Variants in SPDYE2 observed in about 807,000 individuals in gnomAD.
The protein encoded by SPDYE2 is speedy/RINGO cell cycle regulator family member E2.
For synonymous variants in SPDYE2, 2 were observed against 45.1 expected (o/e 0.04, Z 3.83); for missense variants, 1 against 121.0 (o/e 0.01, Z 4.65).
chr7:102,555,622 A>G (rs1474526468), intron 3 of SPDYE2, among the ~76,000 whole-genome samples: 4 of 82,658 alleles, frequency 4.8e-5, no homozygotes, highest in Non-Finnish European at 1.1e-4. Context: ...CAACAACAAC[A>G]ACAACAACAA....
downstream of SPDYE2, chr7:102,564,352 A>G (rs1440150900): frequency 2.1e-5 from 3 of 143,514 alleles, no homozygotes; most frequent in Non-Finnish European, 4.7e-5. Flanking sequence ...GTGCACGCCT[A>G]TAATCCCAGC....
chr7:102,555,646 A>C (rs1187852559), intron 3 of SPDYE2, among the ~76,000 whole-genome samples: 2 of 97,444 alleles, frequency 2.1e-5, no homozygotes, highest in African/African-American at 7.2e-5. Context: ...AAAAAAAAAA[A>C]AAAAGGGACT....
downstream of SPDYE2, chr7:102,564,460 G>A (rs1193366712): frequency 1.4e-5 from 2 of 148,056 alleles, no homozygotes; most frequent in African/African-American, 4.9e-5. Context: ...TCCTGCAGCA[G>A]TTAAAGCTGT....
exon 9 of SPDYE2, chr7:102,562,621 G>A (rs1303741158): frequency 2.8e-5 from 1 of 35,750 alleles, no homozygotes; most frequent in Non-Finnish European, 5.9e-5. Context: ...GAGAGTTATA[G>A]TTGTTATATA....
chr7:102,554,982 C>G (rs1319831406), intron 3 of SPDYE2, among the ~76,000 whole-genome samples: 2 of 132,558 alleles, frequency 1.5e-5, no homozygotes, highest in African/African-American at 5.5e-5. Flanking sequence ...GTAGCTCATG[C>G]CTGTAATCCC....
intron 2 of SPDYE2, among the ~76,000 whole-genome samples, chr7:102,553,719 C>A: frequency 3.5e-5 from 1 of 28,542 alleles, no homozygotes; most frequent in Non-Finnish European, 1.9e-4. Flanking sequence ...CACGCTACTG[C>A]ACTCCAAAAA....
intron 5 of SPDYE2, among the ~76,000 whole-genome samples, chr7:102,557,438 C>A (rs1394856493): frequency 3.7e-5 from 5 of 133,360 alleles, no homozygotes; most frequent in Admixed American, 1.6e-4. Flanking sequence ...TCTTGACTCA[C>A]TGCAGCCGAT....
At chr7:102,564,930 A>T (rs1178452121), downstream of SPDYE2, 1 of 142,012 alleles carries the variant, frequency 7.0e-6, no homozygotes, top group African/African-American at 2.5e-5. Context: ...TGACCTCGTG[A>T]TCTGCCCGCC....
rs1157650822 is a variant in SPDYE2, at chr7:102,553,728, AAAAG to A, written c.160+317_160+320del. On this transcript the variant is annotated intron_variant, in intron 2 of 8. Transcript: ENST00000507918. ...TGAGAGCACGCTACTGCACTCCAAA[AAAAG>A]AAAAAAAAGAAAAGAAGGGTCAGTG... Among the ~76,000 whole-genome samples the A allele has an allele frequency of 5.6e-5, 2 of 35,468 alleles. 1 individual carries two copies. Among genetic ancestry groups the A allele is most frequent in the Non-Finnish European group, 2.7e-4 (2 of 7,346 alleles). 23.3% of individuals were successfully genotyped at this position (35,468 alleles called of 152,430 possible). A position where few individuals can be genotyped will look rare whatever the true frequency, so the allele number is the denominator to read the frequency against.
intron 5 of SPDYE2, among the ~76,000 whole-genome samples, 155 bp downstream of exon 5, chr7:102,557,377 G>GTT (rs1270919667): frequency 5.2e-5 from 7 of 135,278 alleles, no homozygotes; most frequent in Non-Finnish European, 9.4e-5. Flanking sequence ...GTGTGTGTGT[G>GTT]TGTGAGACAG....
intron 2 of SPDYE2, among the ~76,000 whole-genome samples, chr7:102,553,649 G>A (rs1403372946): frequency 9.8e-5 from 5 of 50,878 alleles, no homozygotes; most frequent in African/African-American, 1.9e-4. Flanking sequence ...CAGCTACTCA[G>A]GAGGCTGAAA....
chr7:102,555,633 C>CGA (rs1800771874), intron 3 of SPDYE2, among the ~76,000 whole-genome samples: 1 of 39,056 alleles, frequency 2.6e-5, no homozygotes, highest in Non-Finnish European at 4.9e-5. Flanking sequence ...ACAACAACAA[C>CGA]AAAAAAAAAA....
chr7:102,557,642 G>A (rs1413565552), intron 5 of SPDYE2, among the ~76,000 whole-genome samples: 17 of 58,136 alleles, frequency 2.9e-4, no homozygotes, highest in Middle Eastern at 5.1e-3. Context: ...GATTATAGAC[G>A]TCAGCCACTG....
At chr7:102,565,216 ACTTT>A (rs1189656678), downstream of SPDYE2, 35 of 86,272 alleles carry the variant, frequency 4.1e-4, no homozygotes, top group African/African-American at 9.1e-4. Flanking sequence ...AAAGCATGAT[ACTTT>A]CTTTCTCTTT....
chr7:102,557,339 T>C (rs1450997767), intron 5 of SPDYE2, 117 bp downstream of exon 5: 1 of 300,844 alleles, frequency 3.3e-6, no homozygotes, highest in Non-Finnish European at 5.3e-6. Context: ...CTACAGTCTT[T>C]TTTTTTTTTT....
At chr7:102,562,973 GAATT>G (rs1157449889) in exon 9 of SPDYE2, 44 of 146,312 alleles carry the variant, frequency 3.0e-4, no homozygotes, top group South Asian at 2.1e-3. Flanking sequence ...CATGGGTATA[GAATT>G]ATTTAAATAT....
At chr7:102,555,265 G>T (rs1305488030) in intron 3 of SPDYE2, among the ~76,000 whole-genome samples, 1 of 123,888 alleles carries the variant, frequency 8.1e-6, no homozygotes, top group African/African-American at 3.0e-5. Flanking sequence ...AAAAAAGAAG[G>T]AAGGAAGGGC....
intron 3 of SPDYE2, among the ~76,000 whole-genome samples, chr7:102,555,638 A>AG (rs1361155815): frequency 1.1e-5 from 1 of 89,160 alleles, no homozygotes; most frequent in East Asian, 3.3e-4. Context: ...AACAACAAAA[A>AG]AAAAAAAAAA....
chr7:102,555,611 TCAACAA>T (rs1446569071), intron 3 of SPDYE2, among the ~76,000 whole-genome samples: 2 of 69,612 alleles, frequency 2.9e-5, no homozygotes, highest in African/African-American at 9.7e-5. Context: ...AGACTGTTTC[TCAACAA>T]CAACAACAAC....
Sources: allele counts gnomAD v4.1 joint callset (sites outside exome capture counted in the v4.1 genomes callset), GRCh38; gene constraint gnomAD v4.1.1; transcripts MANE v1.5; gene names NCBI Gene and HGNC (gene_info 2026-07-23, HGNC 2026-07-21).